Variants in SHC3 observed in about 807,000 individuals in gnomAD.
SHC3 encodes the protein SHC adaptor protein 3, also known as SHC-transforming protein 3.
In SHC3, 15 loss-of-function variants were observed where a neutral mutation model predicts 60.4. The observed-to-expected ratio is 0.25, with a 90% confidence interval of 0.17 to 0.38. The LOEUF (loss-of-function observed/expected upper bound fraction) is 0.38. SHC3 is among the 10% of genes least tolerant of loss of function. The pLI is 1.00. For synonymous variants in SHC3, 294 were observed against 325.9 expected (o/e 0.90, Z 1.05); for missense variants, 677 against 786.1 (o/e 0.86, Z 1.66).
intron 1 of SHC3, among the ~76,000 whole-genome samples, chr9:89,159,439 C>G (rs1352413802): frequency 6.6e-6 from 1 of 152,124 alleles, no homozygotes; most frequent in Non-Finnish European, 1.5e-5. Flanking sequence ...AGGAAAAACA[C>G]CTCTTTAGCT....
intron 2 of SHC3, among the ~76,000 whole-genome samples, chr9:89,093,210 C>T (rs1825651365): frequency 6.6e-6 from 1 of 152,194 alleles, no homozygotes; most frequent in South Asian, 2.1e-4. Context: ...CCCTCAAAAC[C>T]TTAAGCTAAG....
chr9:89,140,004 T>C (rs768859789), intron 1 of SHC3, among the ~76,000 whole-genome samples: 37 of 152,224 alleles, frequency 2.4e-4, no homozygotes, highest in Non-Finnish European at 5.1e-4. Flanking sequence ...TGTTTAAATT[T>C]TGAAGACATT....
intron 2 of SHC3, among the ~76,000 whole-genome samples, chr9:89,101,803 A>C (rs2118084231): frequency 6.6e-6 from 1 of 152,086 alleles, no homozygotes; most frequent in East Asian, 1.9e-4. Context: ...CTTTTCTTGT[A>C]ATGCCTTTGT....
At chr9:89,175,113 T>C (rs896751880) in intron 1 of SHC3, among the ~76,000 whole-genome samples, 4 of 152,284 alleles carry the variant, frequency 2.6e-5, no homozygotes, top group Non-Finnish European at 4.4e-5. Flanking sequence ...GTCATTGTTC[T>C]TTGCTGTTGG....
At chr9:89,052,625 T>A (rs1159825544) in intron 6 of SHC3, among the ~76,000 whole-genome samples, 1 of 152,190 alleles carries the variant, frequency 6.6e-6, no homozygotes, top group Admixed American at 6.5e-5. Flanking sequence ...TTCAGTGGAC[T>A]TAGAGCAAGT....
rs905171885 is a variant in SHC3, at chr9:89,012,337, T to C, written c.*1110A>G. Reference sequence around the variant, plus strand: ...TCCCTGCAGCAACGGAGAAACCTTGTTGTTGGGACAGCAGGCCTTTCCCCC... The same window carrying C: ...TCCCTGCAGCAACGGAGAAACCTTGCTGTTGGGACAGCAGGCCTTTCCCCC... On this transcript the variant is annotated 3_prime_UTR_variant, in exon 12 of 12. Transcript: ENST00000375835. 5.9e-5 allele frequency: 9 copies of C among 152,190 alleles called. No individual in the cohort carries two copies. The highest frequency in any genetic ancestry group is 1.9e-4 in the African/African-American group (8 of 41,426). 9.4% of individuals were successfully genotyped at this position (152,190 alleles called of 1,614,324 possible). A position where few individuals can be genotyped will look rare whatever the true frequency, so the allele number is the denominator to read the frequency against.
chr9:89,087,467 C>T (rs769104038), intron 2 of SHC3, among the ~76,000 whole-genome samples: 8 of 152,278 alleles, frequency 5.3e-5, no homozygotes, highest in Non-Finnish European at 7.4e-5. Flanking sequence ...TCCCCCTGCT[C>T]TTGGGGTGCC....
rs140718003 is a variant in SHC3 at position 89,160,729 on chromosome 9, C to T, written c.474+17258G>A. 2.6e-5 allele frequency among the ~76,000 whole-genome samples: 4 copies of T among 152,200 alleles called. No homozygotes were observed. In the East Asian group the frequency reaches 5.8e-4, roughly 22 times the overall value. On this transcript the variant is annotated intron_variant, in intron 1 of 11. Coordinates refer to ENST00000375835, the MANE Select transcript of SHC3 (RefSeq NM_016848.6). Reference sequence around the variant, plus strand: ...GCTGTCATTAAAGTTGAGTCTCTTACGGAAACCTTTCTGTAATTAGCTGTC... The same window carrying T: ...GCTGTCATTAAAGTTGAGTCTCTTATGGAAACCTTTCTGTAATTAGCTGTC...
At chr9:89,051,976 T>C in intron 7 of SHC3, 61 bp downstream of exon 7, 5 of 1,597,532 alleles carry the variant, frequency 3.1e-6, no homozygotes, top group Non-Finnish European at 4.3e-6. Context: ...GATGTGGTTT[T>C]AAGAGGAAAG....
intron 5 of SHC3, 48 bp from the exon 6 acceptor site, chr9:89,065,628 AC>A: frequency 6.3e-7 from 1 of 1,589,518 alleles, no homozygotes; most frequent in Non-Finnish European, 8.6e-7. Context: ...CAAGTGAGAG[AC>A]CACACAGTCA....
At chr9:89,044,873 A>G (rs1824745851) in intron 9 of SHC3, among the ~76,000 whole-genome samples, 1 of 152,218 alleles carries the variant, frequency 6.6e-6, no homozygotes, top group Non-Finnish European at 1.5e-5. Flanking sequence ...TGTAAGATGC[A>G]GAAGTGTTCT....
chr9:89,164,387 G>A (rs1826754793), intron 1 of SHC3, among the ~76,000 whole-genome samples: 4 of 152,144 alleles, frequency 2.6e-5, no homozygotes, highest in Admixed American at 2.6e-4. Flanking sequence ...GCCAAGATGA[G>A]AAGGAGAGAA....
intron 11 of SHC3, chr9:89,037,445 T>C (rs1824600677): frequency 2.9e-6 from 2 of 686,774 alleles, no homozygotes; most frequent in Non-Finnish European, 5.3e-6. Flanking sequence ...GACGGGAAGA[T>C]GAAAAATTCA....
chr9:89,136,804 G>A (rs1445275987), intron 1 of SHC3, among the ~76,000 whole-genome samples: 1 of 152,116 alleles, frequency 6.6e-6, no homozygotes, highest in African/African-American at 2.4e-5. Flanking sequence ...TCTGGATTGG[G>A]ACCACTTTCA....
chr9:89,045,845 T>A lies in SHC3; in HGVS notation c.1114-12A>T, dbSNP rs772163269. On this transcript the variant is annotated splice_polypyrimidine_tract_variant and intron_variant, in intron 8 of 11. Transcript: ENST00000375835. ...TCTTTTCCTGCAAACTATAGACACATGTAAATACACAGAATGAAAAAATTA... is the reference window on the plus strand; with the variant it reads ...TCTTTTCCTGCAAACTATAGACACAAGTAAATACACAGAATGAAAAAATTA... 4 of 1,611,542 alleles carry A rather than the reference T, an allele frequency of 2.5e-6. No individual in the cohort carries two copies. The highest frequency in any genetic ancestry group is 3.4e-6 in the Non-Finnish European group (4 of 1,177,752).
chr9:89,059,353 G>A (rs1242164419), intron 6 of SHC3, among the ~76,000 whole-genome samples: 4 of 125,814 alleles, frequency 3.2e-5, no homozygotes, highest in South Asian at 2.1e-4. Flanking sequence ...CGGTGGTGGA[G>A]GATGTAGTGG....
Position 89,007,448 on chromosome 9 carries a change from G to A in SHC3, c.*5999C>T, listed in dbSNP as rs1321844695. On this transcript the variant is annotated 3_prime_UTR_variant, in exon 12 of 12. Coordinates refer to ENST00000375835, the MANE Select transcript of SHC3 (RefSeq NM_016848.6). ...TTTCTAGGTTATAAACTCAGGCAGA[G>A]GCCTCATACATTCACTTCTCTATCC... The A allele has an allele frequency of 6.6e-6, 1 of 152,258 alleles. No individual in the cohort carries two copies. The highest frequency in any genetic ancestry group is 1.5e-5 in the Non-Finnish European group (1 of 68,082). The allele number at this position is 152,258 out of a possible 1,614,324, so 9.4% of individuals were successfully genotyped here.
chr9:89,038,340 G>GAAAA, intron 10 of SHC3, 52 bp from the exon 11 acceptor site: 1 of 880,560 alleles, frequency 1.1e-6, no homozygotes, highest in African/African-American at 2.7e-5. Flanking sequence ...AAGAGCAAAT[G>GAAAA]ATAAAAAAAA....
At chr9:89,112,516 A>G (rs940580291) in intron 2 of SHC3, 40 bp downstream of exon 2, 1 of 1,595,432 alleles carries the variant, frequency 6.3e-7, no homozygotes, top group African/African-American at 1.3e-5. Flanking sequence ...TCCTTCCTTC[A>G]GAAGTAAAAT....
Sources: allele counts gnomAD v4.1 joint callset (sites outside exome capture counted in the v4.1 genomes callset), GRCh38; gene constraint gnomAD v4.1.1; transcripts MANE v1.5; gene names NCBI Gene and HGNC (gene_info 2026-07-23, HGNC 2026-07-21).